TTC6: variants seen among roughly 807,000 people sequenced by gnomAD.
TTC6 encodes the protein tetratricopeptide repeat domain 6, also known as tetratricopeptide repeat protein 6.
TTC6 carries 172 observed loss-of-function variants against 210.4 expected under a neutral mutation model. That is an observed-to-expected ratio of 0.82 (90% CI 0.72 to 0.93). TTC6 has a LOEUF of 0.93. Ranked by LOEUF, TTC6 falls within the 40% of genes least tolerant of loss-of-function variation. The pLI is 0.00. For missense variants in TTC6, 2,414 were observed against 2,318.1 expected (o/e 1.04, Z -0.85); for synonymous variants, 804 against 819.6 (o/e 0.98, Z 0.32).
At chr14:37,766,891 A>T (rs955466633) in intron 14 of TTC6, among the ~76,000 whole-genome samples, 2 of 152,032 alleles carry the variant, frequency 1.3e-5, no homozygotes, top group African/African-American at 4.8e-5. Flanking sequence ...ACGCTGGTGC[A>T]CTGCACCCAC....
chr14:37,622,879 T>A, exon 1 of TTC6: 2 of 1,534,986 alleles, frequency 1.3e-6, no homozygotes, highest in South Asian at 1.2e-5. Context: ...CCCTCCCGCG[T>A]GATCCCCACG....
chr14:37,817,533 A>T, intron 25 of TTC6, 45 bp from the exon 28 acceptor site: 1 of 1,574,612 alleles, frequency 6.4e-7, no homozygotes, highest in Non-Finnish European at 8.7e-7. Context: ...GATAGCACAT[A>T]AAATAATGTT....
upstream of TTC6, among the ~76,000 whole-genome samples, chr14:37,621,318 T>C (rs1039732587): frequency 2.0e-5 from 3 of 152,228 alleles, no homozygotes; most frequent in Admixed American, 6.5e-5. Context: ...GAATTAAGAT[T>C]GTGGAAGTAA....
intron 5 of TTC6, among the ~76,000 whole-genome samples, chr14:37,705,769 CTA>C (rs1217041707): frequency 6.1e-4 from 1 of 1,630 alleles, no homozygotes; most frequent in Non-Finnish European, 6.8e-3. Context: ...GTGCAGAGTG[CTA>C]TGTGGAAACA....
At chr14:37,727,144 C>G (rs1047271575) in intron 7 of TTC6, among the ~76,000 whole-genome samples, 4 of 151,840 alleles carry the variant, frequency 2.6e-5, no homozygotes, top group African/African-American at 9.7e-5. Context: ...ACCAGAAAAA[C>G]ACATGAGTTT....
chr14:37,702,732 A>G (rs1436432559), intron 5 of TTC6, among the ~76,000 whole-genome samples: 3 of 152,172 alleles, frequency 2.0e-5, no homozygotes, highest in African/African-American at 7.2e-5. Context: ...CATACTTTTC[A>G]TGGTATATTT....
At chr14:37,610,992 G>A (rs1051794491) in intron 2 of TTC6, among the ~76,000 whole-genome samples, 1 of 152,196 alleles carries the variant, frequency 6.6e-6, no homozygotes, top group South Asian at 2.1e-4. Context: ...GTTAAGCTCC[G>A]CAAAAGCTGC....
chr14:37,659,333 G>GT (rs2095731970), intron 1 of TTC6, among the ~76,000 whole-genome samples: 3 of 151,978 alleles, frequency 2.0e-5, no homozygotes. Context: ...TGGTAGTTCT[G>GT]TTTTTAGCTC....
intron 1 of TTC6, among the ~76,000 whole-genome samples, chr14:37,673,149 C>T (rs962702184): frequency 2.0e-5 from 3 of 151,860 alleles, no homozygotes; most frequent in African/African-American, 7.3e-5. Context: ...GTCCAGTCAC[C>T]CAGAACAATC....
chr14:37,766,588 C>A (rs1003716112), intron 14 of TTC6, among the ~76,000 whole-genome samples: 1 of 152,142 alleles, frequency 6.6e-6, no homozygotes, highest in Non-Finnish European at 1.5e-5. Context: ...ATATGTACCA[C>A]GTTTTCTTTA....
chr14:37,797,113 C>G (rs2096094567), intron 20 of TTC6, among the ~76,000 whole-genome samples, 166 bp downstream of exon 22: 1 of 152,030 alleles, frequency 6.6e-6, no homozygotes. Flanking sequence ...CTCTTAAGAA[C>G]AGGGCTGCCC....
At chr14:37,720,787 T>C (rs181537203) in intron 6 of TTC6, among the ~76,000 whole-genome samples, 83 of 152,194 alleles carry the variant, frequency 5.5e-4, no homozygotes, top group African/African-American at 2.0e-3. Context: ...AATGACAAAA[T>C]TATACAAATA....
At chr14:37,842,081 A>T (rs2096211380) in intron 30 of TTC6, 74 bp from the exon 33 acceptor site, 28 of 1,288,582 alleles carry the variant, frequency 2.2e-5, no homozygotes, top group Non-Finnish European at 2.7e-5. Flanking sequence ...TTCTTATCCA[A>T]TTTTTTTTTG....
chr14:37,786,213 G>A (rs539689768), intron 14 of TTC6, among the ~76,000 whole-genome samples: 3 of 152,304 alleles, frequency 2.0e-5, no homozygotes, highest in Middle Eastern at 3.4e-3. Context: ...AGCTATGCCC[G>A]GCCCACAGAG....
Position 37,622,243 on chromosome 14 carries a change from C to A in TTC6, c.179C>A (p.Ala60Asp), listed in dbSNP as rs1390690089. 10 of 1,535,328 alleles carry A rather than the reference C, an allele frequency of 6.5e-6. No homozygotes were observed. The Middle Eastern group carries it at 5.0e-4, about 77-fold the overall frequency. Residue 60 changes from alanine (A) to aspartate (D), a missense_variant, in exon 1 of 31, where the codon GCC becomes GAC. Ala to Asp is a moderately radical substitution (Grantham distance 126). Coordinates refer to ENST00000553443, the Ensembl canonical transcript of TTC6. ...CACAGCCTCCATGCCCCCGGCCCGG[C>A]CCGCCCCGCGCGCGTTTCCTGCGCC...
At chr14:37,816,518 T>C (rs2096142282) in intron 25 of TTC6, among the ~76,000 whole-genome samples, 1 of 152,108 alleles carries the variant, frequency 6.6e-6, no homozygotes, top group Non-Finnish European at 1.5e-5. Flanking sequence ...GAGTGTAATA[T>C]TCCCCACTGC....
intron 10 of TTC6, among the ~76,000 whole-genome samples, chr14:37,745,318 A>G (rs1028821340): frequency 1.3e-5 from 2 of 152,196 alleles, no homozygotes; most frequent in African/African-American, 4.8e-5. Context: ...TTTGTTTTAC[A>G]CTGGTGAAAC....
chr14:37,821,029 T>C (rs140972075), intron 26 of TTC6, among the ~76,000 whole-genome samples: 109 of 3,654 alleles, frequency 0.03, no homozygotes, highest in Admixed American at 0.2. Flanking sequence ...CTTCCTCTTC[T>C]TCTTCTTCTT....
chr14:37,731,263 A>G (rs1465163425), intron 7 of TTC6, among the ~76,000 whole-genome samples: 3 of 152,200 alleles, frequency 2.0e-5, no homozygotes, highest in African/African-American at 2.4e-5. Flanking sequence ...TGACAGCACT[A>G]TAACTCATGC....
Sources: gnomAD v4.1 joint callset for allele counts (sites outside exome capture counted in the v4.1 genomes callset) on GRCh38, gnomAD v4.1.1 for gene constraint, MANE v1.5 for transcripts, NCBI Gene and HGNC (gene_info 2026-07-23, HGNC 2026-07-21) for gene names.